Variants in LAP3 observed in about 807,000 individuals in gnomAD.
The protein encoded by LAP3 is leucine aminopeptidase 3, also known as cytosol aminopeptidase.
LAP3 carries 46 observed loss-of-function variants against 58.8 expected under a neutral mutation model. The ratio of observed to expected loss-of-function variants is 0.78; its 90% CI spans 0.62 to 1.00. The LOEUF (loss-of-function observed/expected upper bound fraction) is 1.00, where lower values mean the gene tolerates loss of function less well. Among genes scored for constraint, LAP3 ranks in the 50% least tolerant of loss-of-function variants. The pLI is 0.00. For missense variants in LAP3, 615 were observed against 659.1 expected, an observed-to-expected ratio of 0.93 and a Z score of 0.73; for synonymous variants, 257 against 237.7, an observed-to-expected ratio of 1.08 and a Z score of -0.75.
chr4:17,598,348 C>T, intron 9 of LAP3, 108 bp from the exon 10 acceptor site: 2 of 764,368 alleles, frequency 2.6e-6, no homozygotes, highest in Non-Finnish European at 4.7e-6. Flanking sequence ...GATAATGACA[C>T]ACGTCACAGT....
At chr4:17,580,822 T>C (rs967331188) in intron 2 of LAP3, among the ~76,000 whole-genome samples, 4 of 152,228 alleles carry the variant, frequency 2.6e-5, no homozygotes, top group East Asian at 1.9e-4. Context: ...AACTGCATGC[T>C]GTATTTGGCA....
At position 17,607,520 on chromosome 4, in the gene LAP3, A is replaced by G. The variant is rs1423318622; in HGVS notation, c.1491A>G (p.Lys497=). ...TNKDEVPYLR[K]GMTGRPTRTL... is the part of the protein sequence containing the mutation. The stretch of plus-strand genomic sequence containing the variant: ...AAGATGAAGTTCCCTATCTACGGAA[A>G]GGCATGACTGGGAGGCCCACAAGGA... Residue 497 remains lysine, a synonymous_variant, in exon 13 of 13, where the codon AAA becomes AAG. Coordinates refer to ENST00000226299, the MANE Select transcript of LAP3 (RefSeq NM_015907.3). 4.3e-6 allele frequency: 7 copies of G among 1,614,144 alleles called. No homozygotes were observed. The highest frequency in any genetic ancestry group is 5.9e-6 in the Non-Finnish European group (7 of 1,180,034).
intron 7 of LAP3, among the ~76,000 whole-genome samples, chr4:17,593,005 G>T (rs1410990441): frequency 6.6e-6 from 1 of 152,128 alleles, no homozygotes; most frequent in Non-Finnish European, 1.5e-5. Flanking sequence ...CACCATGTTG[G>T]CCAGGCTGGT....
intron 10 of LAP3, among the ~76,000 whole-genome samples, chr4:17,600,383 T>G (rs1432386354): frequency 6.6e-6 from 1 of 150,906 alleles, no homozygotes; most frequent in Non-Finnish European, 1.5e-5. Flanking sequence ...AGCAAACACT[T>G]TACCTGAAAA....
At chr4:17,578,746 T>G (rs1577217412) in intron 1 of LAP3, among the ~76,000 whole-genome samples, 1 of 152,230 alleles carries the variant, frequency 6.6e-6, no homozygotes, top group African/African-American at 2.4e-5. Context: ...GACCTGAGAC[T>G]TGTGAAGGAG....
chr4:17,589,930 C>A (rs552825341), intron 7 of LAP3, among the ~76,000 whole-genome samples: 77 of 152,244 alleles, frequency 5.1e-4, no homozygotes, highest in Non-Finnish European at 8.4e-4. Context: ...TAATCTTATT[C>A]AACCATAAGT....
intron 11 of LAP3, among the ~76,000 whole-genome samples, chr4:17,606,081 G>A (rs1714118509): frequency 1.3e-5 from 2 of 152,192 alleles, no homozygotes; most frequent in African/African-American, 4.8e-5. Context: ...AGCACACCTG[G>A]TGGTGCTCAG....
intron 11 of LAP3, 130 bp downstream of exon 11, chr4:17,604,797 T>G: frequency 2.8e-6 from 2 of 703,478 alleles, no homozygotes; most frequent in Non-Finnish European, 4.9e-6. Context: ...GAATTGAAAA[T>G]GAACCACAGC....
Position 17,583,468 on chromosome 4 carries a change from C to T in LAP3, c.380-15C>T, listed in dbSNP as rs16895245. On this transcript the variant is annotated splice_polypyrimidine_tract_variant and intron_variant, in intron 4 of 12. Transcript: ENST00000226299. ...TGGACTGACTCCAGTTTTCTGATTC[C>T]TCTGTCTTTTCAAGCGGGGTGCAGG... 0.01 allele frequency: 16,166 copies of T among 1,612,850 alleles called. 1,288 individuals carry two copies. In the African/African-American group the frequency reaches 0.18, roughly 18 times the overall value.
chr4:17,589,021 TGTGTGCA>T (rs745392437), intron 7 of LAP3, 44 bp downstream of exon 7: 1 of 1,590,612 alleles, frequency 6.3e-7, no homozygotes, highest in South Asian at 1.1e-5. Flanking sequence ...GTGAATTATT[TGTGTGCA>T]GTTTAATTAC....
intron 6 of LAP3, 74 bp downstream of exon 6, chr4:17,585,210 C>A: frequency 1.6e-6 from 2 of 1,287,020 alleles, no homozygotes; most frequent in East Asian, 2.4e-5. Flanking sequence ...AATCCAGCTC[C>A]CTCACTTTTT....
At chr4:17,579,747 G>T (rs1375004477) in intron 1 of LAP3, 77 bp from the exon 2 acceptor site, 4 of 718,684 alleles carry the variant, frequency 5.6e-6, no homozygotes, top group African/African-American at 3.7e-5. Context: ...TGTTCCTTCT[G>T]GAATTTGGGG....
chr4:17,592,006 A>T (rs529220723), intron 7 of LAP3, among the ~76,000 whole-genome samples: 1 of 152,142 alleles, frequency 6.6e-6, no homozygotes. Context: ...CTGTAATCTC[A>T]GCTACTTGGG....
rs776570375 is a variant in LAP3, at chr4:17,581,782, G to A, written c.241G>A (p.Gly81Arg). 8.1e-6 allele frequency: 13 copies of A among 1,613,816 alleles called. No homozygotes were observed. In the Admixed American group the frequency reaches 8.3e-5, roughly 10 times the overall value. The change falls in exon 3 of 13, where the codon GGG becomes AGG. Residue 81 changes from glycine (G) to arginine (R), a missense_variant. By Grantham distance (125) the Gly-to-Arg change is moderately radical. Transcript: ENST00000226299. The stretch of plus-strand genomic sequence containing the variant: ...TAGATCTGGACCACCTCTGAAGGCA[G>A]GGAAGACTCGAACCTTTTATGGTCT... ...LNISGPPLKA[G>R]KTRTFYGLHQ... is the part of the protein sequence containing the mutation.
chr4:17,577,560 T>G lies in LAP3; in HGVS notation c.95T>G (p.Met32Arg), dbSNP rs762408178. 4.4e-5 allele frequency: 68 copies of G among 1,554,632 alleles called. No homozygotes were observed. Among genetic ancestry groups the G allele is most frequent in the Non-Finnish European group, 5.7e-5 (66 of 1,150,312 alleles). The change falls in exon 1 of 13, where the codon ATG (methionine) becomes AGG (arginine). Residue 32 changes from methionine to arginine, a missense_variant. By Grantham distance (91) the Met-to-Arg change is moderately conservative. Transcript: ENST00000226299. ...AGCCGGAGTCTCTCCACCGCAGACA[T>G]GACGAAGGTGAGAGGCGGCGGCTCG... The part of the protein sequence containing the change: ...FGSRSLSTAD[M>R]TKGLVLGIYS...
intron 1 of LAP3, 36 bp from the exon 2 acceptor site, chr4:17,579,788 A>T: frequency 6.4e-6 from 6 of 936,358 alleles, no homozygotes; most frequent in Non-Finnish European, 1.0e-5. Flanking sequence ...GATCTACTCT[A>T]ATTCTATTAT....
chr4:17,593,758 G>A (rs1177114000), intron 7 of LAP3, among the ~76,000 whole-genome samples: 1 of 151,706 alleles, frequency 6.6e-6, no homozygotes, highest in East Asian at 1.9e-4. Context: ...GACTACAGAT[G>A]CGAACCACTA....
At chr4:17,590,696 C>T (rs997952400) in intron 7 of LAP3, among the ~76,000 whole-genome samples, 13 of 151,794 alleles carry the variant, frequency 8.6e-5, no homozygotes, top group Admixed American at 5.9e-4. Flanking sequence ...CTCAGCCTCC[C>T]GAGTAGCTGG....
chr4:17,604,270 C>CAAAAAA (rs1188734524), intron 10 of LAP3, among the ~76,000 whole-genome samples: 83 of 51,090 alleles, frequency 1.6e-3, no homozygotes, highest in East Asian at 0.012. Context: ...AGACCTTTCT[C>CAAAAAA]AAAAAAAAAA....
Sources: gnomAD v4.1 joint callset for allele counts (sites outside exome capture counted in the v4.1 genomes callset) on GRCh38, gnomAD v4.1.1 for gene constraint, MANE v1.5 for transcripts, NCBI Gene and HGNC (gene_info 2026-07-23, HGNC 2026-07-21) for gene names.